The following NFKB1 variants were observed in gnomAD, a reference collection of about 807,000 sequenced individuals.
NFKB1 encodes nuclear factor NF-kappa-B p105 subunit.
A neutral mutation model predicts 105.1 loss-of-function variants in NFKB1; 9 were observed. That is an observed-to-expected ratio of 0.09 (90% CI 0.05 to 0.15). NFKB1 has a LOEUF of 0.15. NFKB1 is among the 10% of genes least tolerant of loss of function. The pLI is 1.00. For synonymous variants in NFKB1, 440 were observed against 442.2 expected, an observed-to-expected ratio of 1.00 and a Z score of 0.06; for missense variants, 830 against 1,203.7, an observed-to-expected ratio of 0.69 and a Z score of 4.59.
intron 8 of NFKB1, among the ~76,000 whole-genome samples, chr4:102,579,631 C>T (rs230543): frequency 0.61 from 85,336 of 140,532 alleles, 25,355 homozygotes; most frequent in Middle Eastern, 0.72. Context: ...AATGAGACCC[C>T]ATCTCAAAAA....
intron 16 of NFKB1, among the ~76,000 whole-genome samples, chr4:102,605,714 T>G (rs4648089): frequency 6.6e-6 from 1 of 152,364 alleles, no homozygotes; most frequent in South Asian, 2.1e-4. Flanking sequence ...CTCACCTTTT[T>G]TATTCAGCTG....
At chr4:102,584,603 T>C in intron 10 of NFKB1, 79 bp from the exon 11 acceptor site, 4 of 1,351,654 alleles carry the variant, frequency 3.0e-6, no homozygotes, top group South Asian at 3.3e-5. Context: ...GCATAAGGAA[T>C]GTGTTTAATG....
At chr4:102,511,692 TAGAA>T (rs1455730517) in intron 1 of NFKB1, among the ~76,000 whole-genome samples, 2 of 151,682 alleles carry the variant, frequency 1.3e-5, no homozygotes, top group Non-Finnish European at 2.9e-5. Flanking sequence ...AAAAAAAAAA[TAGAA>T]AGAGAAACTT....
intron 5 of NFKB1, among the ~76,000 whole-genome samples, chr4:102,560,862 A>C (rs1723366491): frequency 6.6e-6 from 1 of 152,210 alleles, no homozygotes; most frequent in Admixed American, 6.5e-5. Flanking sequence ...CTGGCACTTT[A>C]ATAGTACCTA....
At chr4:102,504,787 A>G (rs1307690805) in intron 1 of NFKB1, among the ~76,000 whole-genome samples, 2 of 152,324 alleles carry the variant, frequency 1.3e-5, no homozygotes, top group African/African-American at 4.8e-5. Flanking sequence ...GGAGACAGAC[A>G]GTTTGGAAGA....
intron 6 of NFKB1, among the ~76,000 whole-genome samples, chr4:102,569,481 G>A (rs970052074): frequency 6.6e-6 from 1 of 152,102 alleles, no homozygotes; most frequent in Non-Finnish European, 1.5e-5. Context: ...CTGACTTGTA[G>A]ATAAGAGTAT....
chr4:102,534,223 G>A (rs1044887944), intron 4 of NFKB1, among the ~76,000 whole-genome samples: 1 of 152,122 alleles, frequency 6.6e-6, no homozygotes, highest in South Asian at 2.1e-4. Flanking sequence ...CATTTATAAG[G>A]AAATACGTAT....
In NFKB1 at chr4:102,593,103, T is replaced by G. The variant is rs138487224; in HGVS notation, c.1067-322T>G. ...GTGACCAAGCAAAAGGGTCAATAAT[T>G]TTTTAATTCAGCATCTTCAGGATCT... On this transcript the variant is annotated intron_variant, in intron 11 of 23. Coordinates refer to ENST00000226574, the MANE Select transcript of NFKB1 (RefSeq NM_003998.4). The G allele has an allele frequency of 8.0e-4, 137 of 172,268 alleles. 1 individual carries two copies. Among genetic ancestry groups the G allele is most frequent in the Non-Finnish European group, 1.3e-3 (105 of 81,812 alleles). 10.7% of individuals were successfully genotyped at this position (172,268 alleles called of 1,614,324 possible).
intron 5 of NFKB1, among the ~76,000 whole-genome samples, chr4:102,542,730 A>AT (rs1487761888): frequency 6.6e-6 from 1 of 152,244 alleles, no homozygotes; most frequent in African/African-American, 2.4e-5. Flanking sequence ...ATTGTATAGG[A>AT]TGGCTCCTTT....
chr4:102,518,275 C>G (rs1273124736), intron 1 of NFKB1, among the ~76,000 whole-genome samples: 1 of 152,126 alleles, frequency 6.6e-6, no homozygotes, highest in African/African-American at 2.4e-5. Flanking sequence ...CTGCTTAAAG[C>G]TAACAGTGAT....
intron 15 of NFKB1, among the ~76,000 whole-genome samples, chr4:102,598,393 AC>A (rs907865445): frequency 1.3e-5 from 2 of 152,184 alleles, no homozygotes; most frequent in Admixed American, 1.3e-4. Flanking sequence ...CTTATCTAAA[AC>A]CTTCCTAAAA....
rs184315835 is a variant in NFKB1 at position 102,584,908 on chromosome 4, G to A, written c.1066+88G>A. 937 of 1,279,394 alleles carry A rather than the reference G, an allele frequency of 7.3e-4. 8 individuals carry two copies. The African/African-American group carries it at 0.012, about 17-fold the overall frequency. 79.3% of individuals were successfully genotyped at this position (1,279,394 alleles called of 1,614,324 possible). On this transcript the variant is annotated intron_variant, in intron 11 of 23. Transcript: ENST00000226574. ...TTGTTTTGTTTTGTTTTGAGACAGA[G>A]TCTGACTCTGTTGCCCAGGCTGGAG...
intron 6 of NFKB1, among the ~76,000 whole-genome samples, chr4:102,575,897 A>C (rs4648023): frequency 6.6e-6 from 1 of 152,166 alleles, no homozygotes; most frequent in African/African-American, 2.4e-5. Context: ...AGATTCTTTT[A>C]CTGCTGACAA....
intron 11 of NFKB1, among the ~76,000 whole-genome samples, chr4:102,588,323 T>C (rs900178163): frequency 6.6e-6 from 1 of 152,054 alleles, no homozygotes; most frequent in South Asian, 2.1e-4. Flanking sequence ...TCTATGGTCA[T>C]CAACATTGTA....
chr4:102,593,501 T>C lies in NFKB1; in HGVS notation c.1143T>C (p.Ala381=), dbSNP rs1609993. The C allele has an allele frequency of 0.93, 1,503,603 of 1,613,432 alleles. 701,115 individuals are homozygous for C. Among genetic ancestry groups the C allele is most frequent in the East Asian group, 1 (44,850 of 44,862 alleles). ...ATAGTTTCGGCGGTGGTAGTGGTGC[T>C]GGAGCTGGAGGCGGAGGCATGTTTG... ...FSDSFGGGSG[A]GAGGGGMFGS... is the part of the protein sequence containing the mutation. Residue 381 remains alanine, a synonymous_variant, in exon 12 of 24, where the codon GCT becomes GCC. Transcript: ENST00000226574.
At chr4:102,549,797 C>T (rs906607017) in intron 5 of NFKB1, among the ~76,000 whole-genome samples, 4 of 152,074 alleles carry the variant, frequency 2.6e-5, no homozygotes, top group African/African-American at 7.2e-5. Context: ...TCCTTGACTC[C>T]TCTCTTCTTC....
intron 1 of NFKB1, among the ~76,000 whole-genome samples, chr4:102,508,504 T>C (rs1406329500): frequency 1.3e-5 from 2 of 152,154 alleles, no homozygotes; most frequent in African/African-American, 4.8e-5. Context: ...GAAAACTGAA[T>C]ATACAATCTA....
intron 1 of NFKB1, among the ~76,000 whole-genome samples, chr4:102,510,014 C>G (rs1739674868): frequency 6.6e-6 from 1 of 152,196 alleles, no homozygotes; most frequent in African/African-American, 2.4e-5. Context: ...ATCCTCCACA[C>G]CGACTTTCAG....
intron 10 of NFKB1, among the ~76,000 whole-genome samples, chr4:102,584,167 A>C (rs906603567): frequency 2.6e-4 from 39 of 152,202 alleles, no homozygotes; most frequent in African/African-American, 8.9e-4. Context: ...AATATATTAC[A>C]TAGTCAAAAA....
Sources: gnomAD v4.1 joint callset for allele counts (sites outside exome capture counted in the v4.1 genomes callset) on GRCh38, gnomAD v4.1.1 for gene constraint, MANE v1.5 for transcripts, NCBI Gene and HGNC (gene_info 2026-07-23, HGNC 2026-07-21) for gene names.